The following EXOSC4 variants were observed in gnomAD, a reference collection of about 807,000 sequenced individuals.
EXOSC4 encodes the protein exosome complex component RRP41.
In EXOSC4, 14 loss-of-function variants were observed where a neutral mutation model predicts 20.0. The ratio of observed to expected loss-of-function variants is 0.70; its 90% CI spans 0.46 to 1.09. EXOSC4 has a LOEUF of 1.09. Ranked by LOEUF, EXOSC4 falls within the 50% of genes least tolerant of loss-of-function variation. The pLI is 0.00. For synonymous variants in EXOSC4, 148 were observed against 146.4 expected (o/e 1.01, Z -0.08); for missense variants, 337 against 334.0 (o/e 1.01, Z -0.07).
chr8:144,080,452 G>T lies in EXOSC4; in HGVS notation c.589G>T (p.Ala197Ser), dbSNP rs199815113. The change falls in exon 3 of 3, where the codon GCG becomes TCG. Residue 197 changes from alanine (A) to serine (S), a missense_variant. Coordinates refer to ENST00000316052, the MANE Select transcript of EXOSC4 (RefSeq NM_019037.3). This position sits in a 1 kb window ranked among gnomAD's most constrained non-coding sequence, Gnocchi z 4.9. Reference sequence around the variant, plus strand: ...CCTGCTGCCAGCCTCAGGACAGATTGCGCTGCTTGAGATGGATGCCCGGCT... The same window carrying T: ...CCTGCTGCCAGCCTCAGGACAGATTTCGCTGCTTGAGATGGATGCCCGGCT... ...LALLPASGQIALLEMDARLHE... is the reference protein window; with the variant it reads ...LALLPASGQISLLEMDARLHE... The T allele has an allele frequency of 1.4e-5, 22 of 1,609,682 alleles. No individual in the cohort carries two copies. Among genetic ancestry groups the T allele is most frequent in the African/African-American group, 2.7e-5 (2 of 75,050 alleles).
chr8:144,080,382 C>T lies in EXOSC4; in HGVS notation c.519C>T (p.Leu173=), dbSNP rs1554763324. The change falls in exon 3 of 3, where the codon CTC becomes CTT. Residue 173 remains leucine, a synonymous_variant. Transcript: ENST00000316052. The surrounding 1 kb of genome is among the most constrained non-coding windows in gnomAD (Gnocchi z 4.9). ...TGGACGGCACAGCCCTGGCGGACCTCAGCCATGTGGAGGAAGCAGCTGGTG... is the reference window on the plus strand; with the variant it reads ...TGGACGGCACAGCCCTGGCGGACCTTAGCCATGTGGAGGAAGCAGCTGGTG... ...GFVDGTALAD[L]SHVEEAAGGP... is the part of the protein sequence containing the mutation. 6.2e-7 allele frequency: 1 copy of T among 1,612,260 alleles called. No homozygotes were observed. The highest frequency in any genetic ancestry group is 1.3e-5 in the African/African-American group (1 of 75,052).
At chr8:144,071,947 T>G in the EXOSC4 span, among the ~76,000 whole-genome samples, 7 of 152,156 alleles carry the variant, frequency 4.6e-5, no homozygotes, top group Admixed American at 1.3e-4. Context: ...GCCACTGCAC[T>G]GCAGCCTGGG....
the EXOSC4 span, among the ~76,000 whole-genome samples, chr8:144,070,677 CATT>C: frequency 6.6e-6 from 1 of 151,428 alleles, no homozygotes; most frequent in Non-Finnish European, 1.5e-5. Flanking sequence ...AAATACAAAA[CATT>C]AGCCGGGCAT....
chr8:144,071,026 G>A, the EXOSC4 span, among the ~76,000 whole-genome samples: 1 of 151,838 alleles, frequency 6.6e-6, no homozygotes, highest in Non-Finnish European at 1.5e-5. Context: ...ACACACTGTG[G>A]GGCAAACAGA....
the EXOSC4 span, among the ~76,000 whole-genome samples, chr8:144,073,630 A>T: frequency 6.6e-6 from 1 of 152,098 alleles, no homozygotes; most frequent in African/African-American, 2.4e-5. Context: ...AAGCAGGCAG[A>T]TCACTAGGTC....
the EXOSC4 span, among the ~76,000 whole-genome samples, chr8:144,068,456 T>C: frequency 6.6e-6 from 1 of 152,170 alleles, no homozygotes; most frequent in Non-Finnish European, 1.5e-5. Flanking sequence ...GCCCTGGCCC[T>C]TGGGAGGCAA....
the EXOSC4 span, among the ~76,000 whole-genome samples, chr8:144,064,552 C>G: frequency 3.9e-5 from 6 of 152,228 alleles, no homozygotes; most frequent in Non-Finnish European, 8.8e-5. Context: ...AGGGATGCAC[C>G]AGGCAGTGCT....
At chr8:144,079,368 T>A (rs1356658849) in intron 1 of EXOSC4, 1 of 228,028 alleles carries the variant, frequency 4.4e-6, no homozygotes, top group Non-Finnish European at 9.0e-6. Flanking sequence ...CTGGTTTCAT[T>A]ACTGTGCTTC....
In EXOSC4 at chr8:144,078,740, G is replaced by T. The variant is rs1554763039; in HGVS notation, c.12G>T (p.Leu4=). 1 of 1,470,024 alleles carries T rather than the reference G, an allele frequency of 6.8e-7. No individual in the cohort carries two copies. 91.1% of individuals were successfully genotyped at this position (1,470,024 alleles called of 1,614,324 possible). A position where few individuals can be genotyped will look rare whatever the true frequency, so the allele number is the denominator to read the frequency against. The part of the protein sequence containing the change: MAG[L]ELLSDQGYRV... ...GGCGGCCGGGCAGCATGGCGGGGCT[G>T]GAGCTCTTGTCGGACCAGGGCTACC... Residue 4 remains leucine, a synonymous_variant, in exon 1 of 3, where the codon CTG becomes CTT. Coordinates refer to ENST00000316052, the MANE Select transcript of EXOSC4 (RefSeq NM_019037.3). This position sits in a 1 kb window ranked among gnomAD's most constrained non-coding sequence, Gnocchi z 4.7.
chr8:144,074,498 G>A (rs1389265418), upstream of EXOSC4, among the ~76,000 whole-genome samples: 11 of 152,284 alleles, frequency 7.2e-5, no homozygotes, highest in African/African-American at 1.9e-4. Flanking sequence ...AACTCAAAGA[G>A]GATCTAAGAT....
rs782001397 is a variant in EXOSC4 at position 144,079,962 on chromosome 8, G to C, written c.191G>C (p.Arg64Pro). ...TTCCAGATCCGGGGCTCCCGGGCTC[G>C]AGCCCTGCCGGACAGGGCCCTAGTG... ...GPHEIRGSRA[R>P]ALPDRALVNC... Residue 64 changes from arginine to proline, a missense_variant, in exon 2 of 3, where the codon CGA (arginine) becomes CCA (proline). By Grantham distance (103) the Arg-to-Pro change is moderately radical. Transcript: ENST00000316052. 5.6e-6 allele frequency: 9 copies of C among 1,613,888 alleles called. No individual in the cohort carries two copies. Among genetic ancestry groups the C allele is most frequent in the East Asian group, 4.5e-5 (2 of 44,902 alleles).
upstream of EXOSC4, among the ~76,000 whole-genome samples, chr8:144,075,199 A>T (rs1283893564): frequency 6.7e-6 from 1 of 150,218 alleles, no homozygotes; most frequent in Non-Finnish European, 1.5e-5. Flanking sequence ...AGTAGCTGGG[A>T]CCACAGGTAT....
chr8:144,073,425 A>G, the EXOSC4 span, among the ~76,000 whole-genome samples: 2 of 152,056 alleles, frequency 1.3e-5, no homozygotes, highest in Non-Finnish European at 2.9e-5. Context: ...TCCCACCTGG[A>G]GGAGCAGCGA....
intron 1 of EXOSC4, chr8:144,079,382 C>T: frequency 8.6e-6 from 2 of 231,710 alleles, no homozygotes; most frequent in Non-Finnish European, 1.8e-5. Context: ...GTGCTTCCAG[C>T]GCTGTAACTG....
chr8:144,064,676 CA>C, the EXOSC4 span, among the ~76,000 whole-genome samples: 1 of 152,162 alleles, frequency 6.6e-6, no homozygotes, highest in Non-Finnish European at 1.5e-5. Context: ...ACATCTGGGC[CA>C]TAACCTCAAG....
chr8:144,072,862 A>C, the EXOSC4 span, among the ~76,000 whole-genome samples: 1 of 152,232 alleles, frequency 6.6e-6, no homozygotes, highest in Admixed American at 6.5e-5. Flanking sequence ...AAGGGGGTGC[A>C]GGTGTCCCTT....
chr8:144,067,106 A>G, the EXOSC4 span, among the ~76,000 whole-genome samples: 1 of 152,128 alleles, frequency 6.6e-6, no homozygotes, highest in East Asian at 1.9e-4. Flanking sequence ...AAAAACAAAA[A>G]AAAGAATGAG....
the EXOSC4 span, among the ~76,000 whole-genome samples, chr8:144,072,190 T>G: frequency 2.0e-5 from 3 of 150,568 alleles, no homozygotes; most frequent in South Asian, 2.1e-4. Flanking sequence ...TTTTGTTTTG[T>G]TTTTTTTTGA....
upstream of EXOSC4, among the ~76,000 whole-genome samples, chr8:144,075,325 C>G (rs376994559): frequency 5.6e-4 from 85 of 152,108 alleles, 1 homozygote; most frequent in African/African-American, 1.9e-3. Context: ...CTCCTGGGTT[C>G]ACGCCATTCT....
Sources: allele counts gnomAD v4.1 joint callset (sites outside exome capture counted in the v4.1 genomes callset), GRCh38; gene constraint gnomAD v4.1.1; non-coding constraint Gnocchi (gnomAD v3.1); transcripts MANE v1.5; gene names NCBI Gene and HGNC (gene_info 2026-07-23, HGNC 2026-07-21).